Variants in LAMA2 observed in about 807,000 individuals in gnomAD.
LAMA2 encodes the protein laminin subunit alpha-2.
In LAMA2, 269 loss-of-function variants were observed where a neutral mutation model predicts 364.8. That is an observed-to-expected ratio of 0.74 (90% CI 0.67 to 0.82). The LOEUF is 0.82. Ranked by LOEUF, LAMA2 falls within the 40% of genes least tolerant of loss-of-function variation. The pLI is 0.00. For missense variants in LAMA2, 3,807 were observed against 3,873.2 expected, an observed-to-expected ratio of 0.98 and a Z score of 0.45; for synonymous variants, 1,379 against 1,370.6, an observed-to-expected ratio of 1.01 and a Z score of -0.14.
rs924911417 is a variant in LAMA2 at position 129,293,031 on chromosome 6, G to A, written c.2856+1311G>A. Reference sequence around the variant, plus strand: ...GAGGTGGGCTATCGGCAGCTCCAGCGGGTGCCCTCGGGGAGCCTATCGGGC... The same window carrying A: ...GAGGTGGGCTATCGGCAGCTCCAGCAGGTGCCCTCGGGGAGCCTATCGGGC... On this transcript the variant is annotated intron_variant, in intron 20 of 64. Coordinates refer to ENST00000421865, the MANE Select transcript of LAMA2 (RefSeq NM_000426.4). 5.1e-6 allele frequency: 5 copies of A among 985,802 alleles called. No homozygotes were observed. In the African/African-American group the frequency reaches 5.2e-5, roughly 10 times the overall value. 61.1% of individuals were successfully genotyped at this position (985,802 alleles called of 1,614,324 possible).
intron 4 of LAMA2, among the ~76,000 whole-genome samples, chr6:129,100,529 T>C (rs1276716762): frequency 6.6e-6 from 1 of 152,234 alleles, no homozygotes; most frequent in Non-Finnish European, 1.5e-5. Context: ...AGACAGGTGA[T>C]ATCCTCCAAG....
At chr6:129,184,259 T>C (rs1213548260) in intron 10 of LAMA2, among the ~76,000 whole-genome samples, 1 of 151,976 alleles carries the variant, frequency 6.6e-6, no homozygotes, top group African/African-American at 2.4e-5. Flanking sequence ...CCTGGGCATT[T>C]TTACAAATGG....
chr6:129,395,580 T>C (rs751107825), intron 37 of LAMA2, among the ~76,000 whole-genome samples: 30 of 152,204 alleles, frequency 2.0e-4, no homozygotes, highest in Non-Finnish European at 3.2e-4. Flanking sequence ...AGCTTCAAGG[T>C]TGAGAACCAC....
intron 4 of LAMA2, among the ~76,000 whole-genome samples, chr6:129,101,862 C>T (rs369601586): frequency 1.4e-3 from 217 of 152,236 alleles, no homozygotes; most frequent in African/African-American, 5.1e-3. Context: ...TTGCTTCTTC[C>T]GCATTCCCTC....
intron 3 of LAMA2, among the ~76,000 whole-genome samples, chr6:129,068,895 A>C (rs1773115461): frequency 6.6e-6 from 1 of 152,146 alleles, no homozygotes; most frequent in South Asian, 2.1e-4. Flanking sequence ...AGTTAGTATA[A>C]AAGAAAGGGA....
chr6:128,890,149 C>A (rs543357691), intron 1 of LAMA2, among the ~76,000 whole-genome samples: 2 of 152,124 alleles, frequency 1.3e-5, no homozygotes, highest in Non-Finnish European at 2.9e-5. Context: ...CATTTAGCTG[C>A]GTCTTGAGTG....
chr6:129,225,312 G>T (rs1287079535), intron 12 of LAMA2, among the ~76,000 whole-genome samples: 1 of 152,106 alleles, frequency 6.6e-6, no homozygotes, highest in Non-Finnish European at 1.5e-5. Flanking sequence ...TTGTTGAAGG[G>T]TTTTTTGTGA....
At chr6:129,493,859 A>T (rs1222563473) in intron 58 of LAMA2, among the ~76,000 whole-genome samples, 1 of 152,116 alleles carries the variant, frequency 6.6e-6, no homozygotes, top group Non-Finnish European at 1.5e-5. Context: ...TCTCTGGAAC[A>T]CTCTGCCTTT....
rs181858306 is a variant in LAMA2 at position 128,893,781 on chromosome 6, C to T, written c.112+10424C>T. Among the ~76,000 whole-genome samples, 5 of 151,580 alleles carry T rather than the reference C, an allele frequency of 3.3e-5. No homozygotes were observed. The East Asian group carries it at 9.7e-4, about 29-fold the overall frequency. On this transcript the variant is annotated intron_variant, in intron 1 of 64. Transcript: ENST00000421865. ...AAATTGGGAAATTTAAAAATGTTTA[C>T]TAATTAATTTAAAATACCAGTAATA...
At chr6:128,964,122 T>C (rs9492162) in intron 1 of LAMA2, among the ~76,000 whole-genome samples, 8,448 of 152,092 alleles carry the variant, frequency 0.056, 804 homozygotes, top group African/African-American at 0.19. Context: ...GAGTGCAGAA[T>C]TGTTGTCGAC....
In LAMA2 at chr6:129,165,433, G is replaced by C. The variant is rs146916102; in HGVS notation, c.1207-143G>C. 2,256 of 586,834 alleles carry C rather than the reference G, an allele frequency of 3.8e-3. 56 individuals are homozygous for C. The highest frequency in any genetic ancestry group is 5.9e-4 in the Non-Finnish European group (193 of 329,172). The allele number at this position is 586,834 out of a possible 1,614,324, so 36.4% of individuals were successfully genotyped here. A position where few individuals can be genotyped will look rare whatever the true frequency, so the allele number is the denominator to read the frequency against. On this transcript the variant is annotated intron_variant, in intron 8 of 64. Coordinates refer to ENST00000421865, the MANE Select transcript of LAMA2 (RefSeq NM_000426.4). ...ACTGGATTTTAGAAATTATAAACAT[G>C]TATTAAAGGTAATTCTTATAGTTTT...
chr6:129,335,356 G>GA (rs1775892638), intron 29 of LAMA2, among the ~76,000 whole-genome samples: 3 of 148,366 alleles, frequency 2.0e-5, no homozygotes, highest in African/African-American at 7.5e-5. Context: ...TAGTAAGTAG[G>GA]TAGATAGATA....
At chr6:129,468,948 A>T (rs1783676291) in intron 51 of LAMA2, among the ~76,000 whole-genome samples, 1 of 151,860 alleles carries the variant, frequency 6.6e-6, no homozygotes, top group Non-Finnish European at 1.5e-5. Context: ...GTCCTTTTTT[A>T]GTTGAGGGGG....
In LAMA2 at chr6:129,265,889, A is replaced by G. The variant is rs116217549; in HGVS notation, c.2209-1217A>G. 5.4e-3 allele frequency among the ~76,000 whole-genome samples: 823 copies of G among 152,074 alleles called. 5 individuals are homozygous for G. The highest frequency in any genetic ancestry group is 0.019 in the African/African-American group (799 of 41,488). ...TAATAATTTTGAAAACAAATTTGAC[A>G]CTTTTTTTGGTACTGTTCAAATTAA... On this transcript the variant is annotated intron_variant, in intron 15 of 64. Coordinates refer to ENST00000421865, the MANE Select transcript of LAMA2 (RefSeq NM_000426.4).
chr6:129,159,346 G>T (rs1779320510), intron 8 of LAMA2, among the ~76,000 whole-genome samples: 1 of 152,156 alleles, frequency 6.6e-6, no homozygotes, highest in Non-Finnish European at 1.5e-5. Flanking sequence ...TCCATCTCAT[G>T]AATTCCAAGA....
Position 129,267,179 on chromosome 6 carries a change from G to A in LAMA2, c.2282G>A (p.Gly761Asp), listed in dbSNP as rs1787582249. 1.9e-6 allele frequency: 3 copies of A among 1,613,144 alleles called. No homozygotes were observed. The highest frequency in any genetic ancestry group is 2.5e-6 in the Non-Finnish European group (3 of 1,179,404). ...ATCTGTGAGCCATGTCAGTGCTTTGGTCATGCGGAGTCCTGTGATGACGTC... is the reference window on the plus strand; with the variant it reads ...ATCTGTGAGCCATGTCAGTGCTTTGATCATGCGGAGTCCTGTGATGACGTC... ...GGICEPCQCF[G>D]HAESCDDVTG... Residue 761 changes from glycine (G) to aspartate (D), a missense_variant, in exon 16 of 65, where the codon GGT becomes GAT. Gly to Asp is a moderately conservative substitution (Grantham distance 94). Around this residue, in one of 3 missense-constraint regions of LAMA2, gnomAD observed 3,333 missense variants for 3,345.7 expected, o/e 1.00. Coordinates refer to ENST00000421865, the MANE Select transcript of LAMA2 (RefSeq NM_000426.4).
chr6:129,298,786 G>T (rs1172916133), intron 21 of LAMA2, among the ~76,000 whole-genome samples: 1 of 151,998 alleles, frequency 6.6e-6, no homozygotes, highest in Non-Finnish European at 1.5e-5. Flanking sequence ...TAGATATGTG[G>T]ATTTTACCAT....
At chr6:128,937,499 G>C (rs1183814391) in intron 1 of LAMA2, among the ~76,000 whole-genome samples, 1 of 151,808 alleles carries the variant, frequency 6.6e-6, no homozygotes, top group Admixed American at 6.6e-5. Context: ...AATTTGTTCA[G>C]ATTTTCTATT....
intron 12 of LAMA2, among the ~76,000 whole-genome samples, chr6:129,228,675 A>T (rs1167711782): frequency 1.3e-5 from 2 of 152,216 alleles, no homozygotes; most frequent in Non-Finnish European, 2.9e-5. Context: ...TAATTATAAT[A>T]TTGTAAAACC....
Sources: allele counts gnomAD v4.1 joint callset (sites outside exome capture counted in the v4.1 genomes callset), GRCh38; gene constraint gnomAD v4.1.1; regional missense constraint gnomAD v4.1.1; transcripts MANE v1.5; gene names NCBI Gene and HGNC (gene_info 2026-07-23, HGNC 2026-07-21).